Variants in UBE3D observed in about 807,000 individuals in gnomAD.
UBE3D encodes E3 ubiquitin-protein ligase E3D.
A neutral mutation model predicts 49.6 loss-of-function variants in UBE3D; 48 were observed. The observed-to-expected ratio is 0.97, with a 90% confidence interval of 0.77 to 1.23. The LOEUF is 1.23. Among genes scored for constraint, UBE3D ranks in the 50% most tolerant of loss-of-function variants. The pLI, the probability that UBE3D is intolerant of heterozygous loss-of-function variation, is 0.00. For synonymous variants in UBE3D, 189 were observed against 174.2 expected (o/e 1.08, Z -0.67); for missense variants, 452 against 468.4 (o/e 0.96, Z 0.32).
chr6:83,050,654 C>T (rs553210110), intron 3 of UBE3D, among the ~76,000 whole-genome samples: 3 of 152,336 alleles, frequency 2.0e-5, no homozygotes, highest in African/African-American at 7.2e-5. Context: ...CCTTACCACT[C>T]ACATAAAACA....
At chr6:83,041,563 T>C (rs1161701310) in intron 4 of UBE3D, among the ~76,000 whole-genome samples, 8 of 152,192 alleles carry the variant, frequency 5.3e-5, no homozygotes, top group Admixed American at 1.3e-4. Context: ...CAAGACTGTT[T>C]TAAGCATTTC....
chr6:83,056,217 A>C (rs1783806823), intron 2 of UBE3D, among the ~76,000 whole-genome samples: 1 of 152,232 alleles, frequency 6.6e-6, no homozygotes, highest in Non-Finnish European at 1.5e-5. Context: ...ATGGATGGGC[A>C]AAAACCCAAT....
In UBE3D at chr6:83,038,467, T is replaced by C; in HGVS notation, c.616A>G (p.Lys206Glu). 5 of 1,611,082 alleles carry C rather than the reference T, an allele frequency of 3.1e-6. No individual in the cohort carries two copies. The highest frequency in any genetic ancestry group is 4.2e-6 in the Non-Finnish European group (5 of 1,179,256). ...HCKLEPKANT[K>E]VICKRCKVML... is the part of the protein sequence containing the mutation. ...ACCTTGCAACGCTTACAAATTACTT[T>C]GGTATTTGCCTTTGGTTCCTGTAGA... Residue 206 changes from lysine to glutamate, a missense_variant, in exon 5 of 10, where the codon AAA becomes GAA. Coordinates refer to ENST00000369747, the MANE Select transcript of UBE3D (RefSeq NM_198920.3).
intron 8 of UBE3D, among the ~76,000 whole-genome samples, chr6:83,005,705 A>G (rs554659915): frequency 6.6e-6 from 1 of 152,194 alleles, no homozygotes; most frequent in African/African-American, 2.4e-5. Context: ...TAGCAGCACT[A>G]TGCAAAATAG....
At chr6:83,013,244 T>C (rs188709956) in intron 8 of UBE3D, among the ~76,000 whole-genome samples, 21 of 152,322 alleles carry the variant, frequency 1.4e-4, no homozygotes, top group African/African-American at 5.1e-4. Flanking sequence ...CATAGTCAAA[T>C]ATCCAGTTTT....
At chr6:83,057,398 C>T (rs1334870925) in intron 2 of UBE3D, among the ~76,000 whole-genome samples, 4 of 152,178 alleles carry the variant, frequency 2.6e-5, no homozygotes, top group Non-Finnish European at 5.9e-5. Context: ...ACTCTGTATC[C>T]CCAGAACCTA....
intron 8 of UBE3D, among the ~76,000 whole-genome samples, chr6:83,009,182 A>C (rs1780182424): frequency 6.6e-6 from 1 of 152,186 alleles, no homozygotes; most frequent in Non-Finnish European, 1.5e-5. Flanking sequence ...CCTTTTTCTT[A>C]ATACTTGAAA....
At chr6:82,959,516 A>T (rs1447258479) in intron 8 of UBE3D, among the ~76,000 whole-genome samples, 1 of 151,758 alleles carries the variant, frequency 6.6e-6, no homozygotes, top group Non-Finnish European at 1.5e-5. Context: ...AGAAGAGCTG[A>T]GATGCTAAGG....
intron 5 of UBE3D, among the ~76,000 whole-genome samples, chr6:83,028,529 G>C (rs145286872): frequency 6.6e-6 from 1 of 151,992 alleles, no homozygotes. Context: ...AACATTTAGC[G>C]TCTCCTATTT....
intron 4 of UBE3D, among the ~76,000 whole-genome samples, chr6:83,043,843 T>C (rs1029047698): frequency 1.3e-5 from 2 of 152,132 alleles, no homozygotes; most frequent in Non-Finnish European, 2.9e-5. Context: ...TTCTCTGCAG[T>C]GAGAGAAAAT....
intron 9 of UBE3D, among the ~76,000 whole-genome samples, chr6:82,912,886 A>G (rs1170801260): frequency 6.6e-6 from 1 of 152,162 alleles, no homozygotes; most frequent in Non-Finnish European, 1.5e-5. Flanking sequence ...GTCAGTGGTT[A>G]TTCTCTACTC....
At chr6:82,932,855 T>G (rs751201576) in intron 9 of UBE3D, among the ~76,000 whole-genome samples, 1 of 152,162 alleles carries the variant, frequency 6.6e-6, no homozygotes, top group Non-Finnish European at 1.5e-5. Context: ...TGGAGCATTT[T>G]TAGACACCAG....
At chr6:82,881,109 A>T in the UBE3D span, among the ~76,000 whole-genome samples, 1 of 152,198 alleles carries the variant, frequency 6.6e-6, no homozygotes, top group Admixed American at 6.5e-5. Flanking sequence ...AGAAACTTTC[A>T]GTCAGTTGCA....
intron 9 of UBE3D, among the ~76,000 whole-genome samples, chr6:82,909,767 T>C: frequency 6.6e-6 from 1 of 152,188 alleles, no homozygotes; most frequent in Admixed American, 6.5e-5. Context: ...TCGAGGTCTA[T>C]GAGCAATGAA....
the UBE3D span, among the ~76,000 whole-genome samples, chr6:82,882,756 G>C: frequency 6.6e-6 from 1 of 152,166 alleles, no homozygotes; most frequent in South Asian, 2.1e-4. Flanking sequence ...TTTTAGAACA[G>C]TTCCTATAGC....
chr6:82,933,798 T>C (rs1309592164), intron 9 of UBE3D, among the ~76,000 whole-genome samples: 1 of 152,134 alleles, frequency 6.6e-6, no homozygotes, highest in Admixed American at 6.5e-5. Context: ...AAATATAAAA[T>C]GAGAGAATTC....
At chr6:82,887,394 T>TGTTTTGTTTTG (rs764187205), downstream of UBE3D, among the ~76,000 whole-genome samples, 975 of 131,444 alleles carry the variant, frequency 7.4e-3, 12 homozygotes, top group Non-Finnish European at 0.012. Flanking sequence ...TAACAGTTTT[T>TGTTTTGTTTTG]TTTTTTTTTT....
intron 9 of UBE3D, among the ~76,000 whole-genome samples, chr6:82,894,334 T>C (rs1241854831): frequency 6.6e-6 from 1 of 152,082 alleles, no homozygotes; most frequent in Non-Finnish European, 1.5e-5. Flanking sequence ...ATTGCTATCA[T>C]ATCTTGCTGG....
In UBE3D at chr6:83,004,194, G is replaced by C. The variant is rs769793009; in HGVS notation, c.1010+14779C>G. ...AGAGGCATAAATTTCACTGAATATA[G>C]TATAGCAAACAATACATTTTGGGGA... On this transcript the variant is annotated intron_variant, in intron 8 of 9. Coordinates refer to ENST00000369747, the MANE Select transcript of UBE3D (RefSeq NM_198920.3). Among the ~76,000 whole-genome samples the C allele has an allele frequency of 2.2e-4, 33 of 152,242 alleles. 1 individual carries two copies. Among genetic ancestry groups the C allele is most frequent in the African/African-American group, 7.0e-4 (29 of 41,554 alleles).
Sources: gnomAD v4.1 joint callset for allele counts (sites outside exome capture counted in the v4.1 genomes callset) on GRCh38, gnomAD v4.1.1 for gene constraint, MANE v1.5 for transcripts, NCBI Gene and HGNC (gene_info 2026-07-23, HGNC 2026-07-21) for gene names.